The following CD209 variants were observed in gnomAD, a reference collection of about 807,000 sequenced individuals.
CD209 encodes CD209 antigen.
CD209 carries 31 observed loss-of-function variants against 44.7 expected under a neutral mutation model. The ratio of observed to expected loss-of-function variants is 0.69; its 90% CI spans 0.52 to 0.94. CD209 has a LOEUF of 0.94. Ranked by LOEUF, CD209 falls within the 40% of genes least tolerant of loss-of-function variation. The pLI, the probability that CD209 is intolerant of heterozygous loss-of-function variation, is 0.00. For synonymous variants in CD209, 173 were observed against 181.3 expected, an observed-to-expected ratio of 0.95 and a Z score of 0.37; for missense variants, 407 against 452.4, an observed-to-expected ratio of 0.90 and a Z score of 0.91.
rs2033566526 is a variant in CD209 at position 7,740,196 on chromosome 19, G to C, written c.*2843C>G. ...CAGGGCTCAATCTGATTGGATCAAG[G>C]ATCATGCCACGTGGTGTCCACTTCT... On this transcript the variant is annotated 3_prime_UTR_variant, in exon 7 of 7. Coordinates refer to ENST00000315599, the MANE Select transcript of CD209 (RefSeq NM_021155.4). 3 of 315,776 alleles carry C rather than the reference G, an allele frequency of 9.5e-6. No homozygotes were observed. The highest frequency in any genetic ancestry group is 1.6e-4 in the East Asian group (2 of 12,480). 19.6% of individuals were successfully genotyped at this position (315,776 alleles called of 1,614,324 possible). A position where few individuals can be genotyped will look rare whatever the true frequency, so the allele number is the denominator to read the frequency against.
chr19:7,741,757 C>T lies in CD209; in HGVS notation c.*1282G>A, dbSNP rs572817510. 1 of 559,648 alleles carries T rather than the reference C, an allele frequency of 1.8e-6. No homozygotes were observed. Among genetic ancestry groups the T allele is most frequent in the East Asian group, 4.6e-5 (1 of 21,806 alleles). 34.7% of individuals were successfully genotyped at this position (559,648 alleles called of 1,614,324 possible). On this transcript the variant is annotated 3_prime_UTR_variant, in exon 7 of 7. Transcript: ENST00000315599. The stretch of plus-strand genomic sequence containing the variant: ...AATGTCCAAGAGGAAAACACTGCAA[C>T]TTTCTTCAGGTGTTGAGAAATCCAA...
chr19:7,743,987 A>T, intron 6 of CD209, 120 bp downstream of exon 6: 1 of 807,946 alleles, frequency 1.2e-6, no homozygotes, highest in Admixed American at 2.3e-5. Flanking sequence ...TCAACTCAGT[A>T]AAACCTCCAG....
chr19:7,744,936 T>C lies in CD209; in HGVS notation c.900+5A>G, dbSNP rs115426752. 6.2e-7 allele frequency: 1 copy of C among 1,614,020 alleles called. No homozygotes were observed. The highest frequency in any genetic ancestry group is 8.5e-7 in the Non-Finnish European group (1 of 1,180,008). ...GGCCAGGACGGGGACCCCCACCAGG[T>C]GTACCTGCTCCTCAGCACTTTTGAT... On this transcript the variant is annotated splice_donor_5th_base_variant and intron_variant, in intron 5 of 6. Coordinates refer to ENST00000315599, the MANE Select transcript of CD209 (RefSeq NM_021155.4).
At chr19:7,746,154 C>T (rs2033814231) in intron 3 of CD209, 67 bp from the exon 4 acceptor site, 2 of 1,586,270 alleles carry the variant, frequency 1.3e-6, no homozygotes, top group African/African-American at 1.4e-5. Context: ...TTGAACTGAG[C>T]CCCATAGGGA....
Position 7,740,814 on chromosome 19 carries a change from A to C in CD209, c.*2225T>G. 2 of 759,166 alleles carry C rather than the reference A, an allele frequency of 2.6e-6. No individual in the cohort carries two copies. The highest frequency in any genetic ancestry group is 4.9e-6 in the Non-Finnish European group (2 of 407,514). The allele number at this position is 759,166 out of a possible 1,614,324, so 47.0% of individuals were successfully genotyped here. A position where few individuals can be genotyped will look rare whatever the true frequency, so the allele number is the denominator to read the frequency against. ...GAAAGAGAGAGAGGAGGAGGAACAG[A>C]AACGACAGAAGAAACAAAAACCGGA... On this transcript the variant is annotated 3_prime_UTR_variant, in exon 7 of 7. Transcript: ENST00000315599.
chr19:7,742,713 T>G lies in CD209; in HGVS notation c.*326A>C. ...AGGTGGAAGTTGAACAGATGGTAGG[T>G]TTGCATGTATAAGATAACGCCCCAG... On this transcript the variant is annotated 3_prime_UTR_variant, in exon 7 of 7. Coordinates refer to ENST00000315599, the MANE Select transcript of CD209 (RefSeq NM_021155.4). The G allele has an allele frequency of 3.0e-6, 1 of 335,174 alleles. No homozygotes were observed. The highest frequency in any genetic ancestry group is 5.6e-6 in the Non-Finnish European group (1 of 179,282). 20.8% of individuals were successfully genotyped at this position (335,174 alleles called of 1,614,324 possible).
Position 7,744,942 on chromosome 19 carries a change from T to G in CD209, c.899A>C (p.Gln300Pro). 1.2e-6 allele frequency: 2 copies of G among 1,614,176 alleles called. No individual in the cohort carries two copies. The highest frequency in any genetic ancestry group is 1.7e-6 in the Non-Finnish European group (2 of 1,179,988). The change falls in exon 5 of 7, where the codon CAG (glutamine) becomes CCG (proline). Residue 300 changes from glutamine to proline, a missense_variant and splice_region_variant. This residue lies in a region of CD209 where 200 missense variants were observed against 202.2 expected (regional missense o/e 0.99). Coordinates refer to ENST00000315599, the MANE Select transcript of CD209 (RefSeq NM_021155.4). ...GACGGGGACCCCCACCAGGTGTACCTGCTCCTCAGCACTTTTGATTACGAC... is the reference window on the plus strand; with the variant it reads ...GACGGGGACCCCCACCAGGTGTACCGGCTCCTCAGCACTTTTGATTACGAC... ...QLVVIKSAEE[Q>P]NFLQLQSSRS...
intron 5 of CD209, among the ~76,000 whole-genome samples, 187 bp from the exon 6 acceptor site, chr19:7,744,406 C>T (rs1422085157): frequency 6.6e-6 from 1 of 152,214 alleles, no homozygotes; most frequent in Non-Finnish European, 1.5e-5. Flanking sequence ...TCCTGACATG[C>T]ACACATCCAT....
At position 7,740,668 on chromosome 19, in the gene CD209, G is replaced by T; in HGVS notation, c.*2371C>A. The T allele has an allele frequency of 1.3e-6, 1 of 777,606 alleles. No homozygotes were observed. Among genetic ancestry groups the T allele is most frequent in the Non-Finnish European group, 2.4e-6 (1 of 417,426 alleles). The allele number at this position is 777,606 out of a possible 1,614,324, so 48.2% of individuals were successfully genotyped here. A position where few individuals can be genotyped will look rare whatever the true frequency, so the allele number is the denominator to read the frequency against. ...GAGAGGCAAAGATTACATGAGGAGTGGTTGCTGAGAGAGCAGAAGGCACAA... is the reference window on the plus strand; with the variant it reads ...GAGAGGCAAAGATTACATGAGGAGTTGTTGCTGAGAGAGCAGAAGGCACAA... On this transcript the variant is annotated 3_prime_UTR_variant, in exon 7 of 7. Transcript: ENST00000315599.
At chr19:7,746,341 C>A (rs369571663) in intron 3 of CD209, 119 bp downstream of exon 3, 1 of 1,201,978 alleles carries the variant, frequency 8.3e-7, no homozygotes. Flanking sequence ...CCTACAGACC[C>A]CCAGGGACAA....
Position 7,740,324 on chromosome 19 carries a change from G to A in CD209, c.*2715C>T, listed in dbSNP as rs2033571248. 3 of 504,802 alleles carry A rather than the reference G, an allele frequency of 5.9e-6. No individual in the cohort carries two copies. The highest frequency in any genetic ancestry group is 1.1e-5 in the Non-Finnish European group (3 of 273,678). 31.3% of individuals were successfully genotyped at this position (504,802 alleles called of 1,614,324 possible). ...AGGGTATGTAACTTGCAACCTGGGG[G>A]TCCACGACAACTGAAAAACAACTCG... On this transcript the variant is annotated 3_prime_UTR_variant, in exon 7 of 7. Transcript: ENST00000315599.
Position 7,744,087 on chromosome 19 carries a change from G to T in CD209, c.1013+20C>A, listed in dbSNP as rs201653870. ...CACAATTCCAGCCCCAGTGGATAGG[G>T]TGCCCCTTCTGAGATCTACCTGGGC... is the stretch of plus-strand genomic sequence containing the variant. On this transcript the variant is annotated intron_variant, in intron 6 of 6. Coordinates refer to ENST00000315599, the MANE Select transcript of CD209 (RefSeq NM_021155.4). The T allele has an allele frequency of 1.9e-6, 3 of 1,567,828 alleles. No homozygotes were observed. The South Asian group carries it at 3.3e-5, about 17-fold the overall frequency.
chr19:7,742,705 A>G lies in CD209; in HGVS notation c.*334T>C, dbSNP rs1000615810. The G allele has an allele frequency of 3.2e-6, 1 of 314,814 alleles. No individual in the cohort carries two copies. Among genetic ancestry groups the G allele is most frequent in the Non-Finnish European group, 6.0e-6 (1 of 166,948 alleles). 19.5% of individuals were successfully genotyped at this position (314,814 alleles called of 1,614,324 possible). ...GAGGTGGTAGGTGGAAGTTGAACAG[A>G]TGGTAGGTTTGCATGTATAAGATAA... is the stretch of plus-strand genomic sequence containing the variant. On this transcript the variant is annotated 3_prime_UTR_variant, in exon 7 of 7. Transcript: ENST00000315599.
intron 2 of CD209, 83 bp from the exon 3 acceptor site, chr19:7,746,614 C>T (rs1208456611): frequency 7.1e-7 from 1 of 1,417,568 alleles, no homozygotes; most frequent in African/African-American, 1.4e-5. Context: ...TCCCTCAGCA[C>T]CCCAGGACCC....
In CD209 at chr19:7,741,491, TA is replaced by T. The variant is rs535167552; in HGVS notation, c.*1547del. ...TGGCGACAGAGCAAGACCCCATCTTTAAAAAAAAATAGTAATTAAAAAATAA... is the reference window on the plus strand; with the variant it reads ...TGGCGACAGAGCAAGACCCCATCTTTAAAAAAAATAGTAATTAAAAAATAA... On this transcript the variant is annotated 3_prime_UTR_variant, in exon 7 of 7. Transcript: ENST00000315599. 635 of 492,306 alleles carry T rather than the reference TA, an allele frequency of 1.3e-3. No individual in the cohort carries two copies. Among genetic ancestry groups the T allele is most frequent in the African/African-American group, 4.9e-3 (241 of 49,688 alleles). 30.5% of individuals were successfully genotyped at this position (492,306 alleles called of 1,614,324 possible).
chr19:7,744,363 T>C (rs1194806124), intron 5 of CD209, 144 bp from the exon 6 acceptor site: 1 of 639,854 alleles, frequency 1.6e-6, no homozygotes, highest in Non-Finnish European at 2.8e-6. Context: ...CGTGTCTGAG[T>C]CCCTCTCACA....
chr19:7,747,531 G>A lies in CD209; in HGVS notation c.-20C>T. The A allele has an allele frequency of 1.2e-6, 2 of 1,614,016 alleles. No homozygotes were observed. Among genetic ancestry groups the A allele is most frequent in the African/African-American group, 2.7e-5 (2 of 75,008 alleles). ...ACTCATGTCACCCCACTCTCCCCCA[G>A]TGTCCAGAACTCCTGGGGGCCACAG... On this transcript the variant is annotated 5_prime_UTR_variant, in exon 1 of 7. Coordinates refer to ENST00000315599, the MANE Select transcript of CD209 (RefSeq NM_021155.4).
Position 7,743,069 on chromosome 19 carries a change from G to A in CD209, c.1185C>T (p.Ala395=), listed in dbSNP as rs11465394. 2.0e-3 allele frequency: 3,194 copies of A among 1,613,852 alleles called. 57 individuals are homozygous for A. In the African/African-American group the frequency reaches 0.035, roughly 18 times the overall value. The change falls in exon 7 of 7, where the codon GCC becomes GCT. Residue 395 remains alanine (A), a synonymous_variant. Coordinates refer to ENST00000315599, the MANE Select transcript of CD209 (RefSeq NM_021155.4). ...SRDEEQFLSP[A]PATPNPPPA Reference sequence around the variant, plus strand: ...CAGGAGGGGGGTTTGGGGTGGCAGGGGCTGGAGAAAGAAACTGTTCTTCAT... The same window carrying A: ...CAGGAGGGGGGTTTGGGGTGGCAGGAGCTGGAGAAAGAAACTGTTCTTCAT...
Position 7,745,636 on chromosome 19 carries a change from A to C in CD209, c.630T>G (p.Ser210=). ...GCTCCTGGTAGATCTCCTGCTGCTTAGATTTCTCTGGAAGCTCACCCACTG... is the reference window on the plus strand; with the variant it reads ...GCTCCTGGTAGATCTCCTGCTGCTTCGATTTCTCTGGAAGCTCACCCACTG... ...KAAVGELPEK[S]KQQEIYQELT... The change falls in exon 4 of 7, where the codon TCT becomes TCG. Residue 210 remains serine, a synonymous_variant. Transcript: ENST00000315599. 1.6e-6 allele frequency: 1 copy of C among 620,972 alleles called. No individual in the cohort carries two copies. Among genetic ancestry groups the C allele is most frequent in the Non-Finnish European group, 2.8e-6 (1 of 355,458 alleles). The allele number at this position is 620,972 out of a possible 1,614,324, so 38.5% of individuals were successfully genotyped here. A position where few individuals can be genotyped will look rare whatever the true frequency, so the allele number is the denominator to read the frequency against.
Sources: gnomAD v4.1 joint callset for allele counts (sites outside exome capture counted in the v4.1 genomes callset) on GRCh38, gnomAD v4.1.1 for gene constraint, gnomAD v4.1.1 regional missense constraint, MANE v1.5 for transcripts, NCBI Gene and HGNC (gene_info 2026-07-23, HGNC 2026-07-21) for gene names.